Variants in FER observed in about 807,000 individuals in gnomAD.
FER encodes the protein tyrosine-protein kinase Fer.
FER carries 63 observed loss-of-function variants against 111.0 expected under a neutral mutation model. The ratio of observed to expected loss-of-function variants is 0.57; its 90% CI spans 0.46 to 0.70. The LOEUF (loss-of-function observed/expected upper bound fraction) is 0.70. Ranked by LOEUF, FER falls within the 30% of genes least tolerant of loss-of-function variation. The pLI is 0.00. For synonymous variants in FER, 327 were observed against 313.9 expected (o/e 1.04, Z -0.44); for missense variants, 914 against 954.0 (o/e 0.96, Z 0.55).
At chr5:109,069,929 G>A (rs1775569846) in intron 16 of FER, among the ~76,000 whole-genome samples, 1 of 152,056 alleles carries the variant, frequency 6.6e-6, no homozygotes. Flanking sequence ...CAATAAAGTT[G>A]TTTTATATAA....
At chr5:108,834,128 C>T (rs534616362) in intron 4 of FER, among the ~76,000 whole-genome samples, 1 of 152,166 alleles carries the variant, frequency 6.6e-6, no homozygotes, top group South Asian at 2.1e-4. Flanking sequence ...GTAATTTGCT[C>T]TATATAATTG....
Position 108,835,820 on chromosome 5 carries a change from T to G in FER, c.481+13T>G, listed in dbSNP as rs1386981214. On this transcript the variant is annotated intron_variant, in intron 5 of 19. Coordinates refer to ENST00000281092, the MANE Select transcript of FER (RefSeq NM_005246.4). ...GCTTTAGCTAAAGGTAAGGCAAAAT[T>G]TTAAAAATTGTTTACTTAGGTGATT... 3.4e-6 allele frequency: 5 copies of G among 1,473,956 alleles called. No individual in the cohort carries two copies. In the Admixed American group the frequency reaches 9.7e-5, roughly 29 times the overall value. The allele number at this position is 1,473,956 out of a possible 1,614,324, so 91.3% of individuals were successfully genotyped here.
intron 9 of FER, chr5:108,894,407 G>A (rs1748711540): frequency 2.4e-5 from 19 of 787,230 alleles, no homozygotes; most frequent in South Asian, 4.8e-5. Context: ...TGTGGACCTC[G>A]TCTGCTGGCA....
intron 1 of FER, chr5:108,748,584 G>A (rs1750041088): frequency 2.0e-5 from 3 of 152,362 alleles, no homozygotes; most frequent in Admixed American, 2.0e-4. Flanking sequence ...AGGTTACCGA[G>A]GCGGGGAGAG....
intron 9 of FER, among the ~76,000 whole-genome samples, chr5:108,887,354 A>C (rs78806115): frequency 6.6e-6 from 1 of 151,668 alleles, no homozygotes; most frequent in Non-Finnish European, 1.5e-5. Context: ...ATTATATGAT[A>C]AATCATTTGA....
rs559478415 is a variant in FER at position 109,179,711 on chromosome 5, A to AATGTATT, written c.2049-1026_2049-1020dup. On this transcript the variant is annotated intron_variant, in intron 17 of 19. Transcript: ENST00000281092. ...ATAACAACTATTACATAGCATTTAC[A>AATGTATT]ATGTATTATGTATTATAAGTAATCT... Among the ~76,000 whole-genome samples, 318 of 152,292 alleles carry AATGTATT rather than the reference A, an allele frequency of 2.1e-3. 1 individual carries two copies. The highest frequency in any genetic ancestry group is 7.3e-3 in the African/African-American group (303 of 41,558).
intron 10 of FER, chr5:108,924,463 G>C (rs1372981882): frequency 6.8e-6 from 3 of 444,370 alleles, no homozygotes; most frequent in Non-Finnish European, 1.1e-5. Context: ...GCTCGAAAAC[G>C]CAACATTTGT....
At chr5:109,181,740 T>A (rs940067962) in intron 18 of FER, among the ~76,000 whole-genome samples, 3 of 152,206 alleles carry the variant, frequency 2.0e-5, no homozygotes, top group African/African-American at 7.2e-5. Flanking sequence ...AAAGCTTTTT[T>A]AAAAAATTGA....
intron 13 of FER, among the ~76,000 whole-genome samples, chr5:108,990,453 T>C (rs1273858216): frequency 4.6e-5 from 7 of 151,866 alleles, no homozygotes; most frequent in African/African-American, 1.2e-4. Context: ...GGTGTATGCA[T>C]GTGTATGTAT....
At chr5:108,975,244 G>T (rs1581472762) in intron 13 of FER, among the ~76,000 whole-genome samples, 1 of 152,076 alleles carries the variant, frequency 6.6e-6, no homozygotes. Context: ...ACACACCGGG[G>T]TCTGTCGGGT....
At chr5:108,820,411 T>G in intron 3 of FER, 1 of 985,430 alleles carries the variant, frequency 1.0e-6, no homozygotes, top group Non-Finnish European at 1.2e-6. Flanking sequence ...TGGCTGGTTA[T>G]TTTTCTGGTT....
chr5:108,754,725 A>C (rs1750893468), intron 1 of FER, among the ~76,000 whole-genome samples: 1 of 152,158 alleles, frequency 6.6e-6, no homozygotes, highest in South Asian at 2.1e-4. Context: ...TTAGTTTTCT[A>C]GTGTAAATCA....
intron 5 of FER, among the ~76,000 whole-genome samples, chr5:108,854,662 G>A (rs181091200): frequency 2.1e-3 from 315 of 152,282 alleles, no homozygotes; most frequent in Non-Finnish European, 3.4e-3. Context: ...CGGGCTGGAC[G>A]TGGTGGCTCA....
intron 13 of FER, among the ~76,000 whole-genome samples, chr5:109,016,111 C>T (rs1051895941): frequency 1.3e-5 from 2 of 151,978 alleles, no homozygotes; most frequent in Non-Finnish European, 2.9e-5. Context: ...TATATCTGAC[C>T]TAAGTTGTGC....
Position 108,832,925 on chromosome 5 carries a change from A to T in FER, c.363A>T (p.Ile121=), listed in dbSNP as rs752546406. The change falls in exon 4 of 20, where the codon ATA becomes ATT. Residue 121 remains isoleucine, a synonymous_variant. Transcript: ENST00000281092. ...GTTACATAGGTGTTCATCAGCAGAT[A>T]GAGGCAGAGATGATCAAGGTTCGTT... The part of the protein sequence containing the change: ...KKSYIGVHQQ[I]EAEMIKVTKT... The T allele has an allele frequency of 3.8e-6, 6 of 1,573,764 alleles. No individual in the cohort carries two copies. In the East Asian group the frequency reaches 1.4e-4, roughly 36 times the overall value.
intron 13 of FER, among the ~76,000 whole-genome samples, chr5:109,013,348 C>T (rs184240938): frequency 0.11 from 16,852 of 149,886 alleles, 1,022 homozygotes; most frequent in Non-Finnish European, 0.14. Flanking sequence ...TTTGTCCTTG[C>T]GATAGTTTAC....
chr5:109,013,678 T>G (rs1012045943), intron 13 of FER, among the ~76,000 whole-genome samples: 1 of 151,948 alleles, frequency 6.6e-6, no homozygotes, highest in African/African-American at 2.4e-5. Context: ...ATGGTTGAAC[T>G]AGTTTACAGT....
intron 13 of FER, among the ~76,000 whole-genome samples, chr5:108,990,597 T>G (rs1763051993): frequency 6.6e-6 from 1 of 151,648 alleles, no homozygotes; most frequent in Admixed American, 6.6e-5. Flanking sequence ...CAGAAAGTAT[T>G]ATAATAATGT....
chr5:108,835,348 C>T (rs1463335736), intron 4 of FER, among the ~76,000 whole-genome samples: 1 of 151,772 alleles, frequency 6.6e-6, no homozygotes. Flanking sequence ...TAGCCTGGCT[C>T]CTTTTTTGGT....
Sources: allele counts gnomAD v4.1 joint callset (sites outside exome capture counted in the v4.1 genomes callset), GRCh38; gene constraint gnomAD v4.1.1; transcripts MANE v1.5; gene names NCBI Gene and HGNC (gene_info 2026-07-23, HGNC 2026-07-21).